FLNB: variants seen among roughly 807,000 people sequenced by gnomAD.
The protein encoded by FLNB is filamin-B.
In FLNB, 111 loss-of-function variants were observed where a neutral mutation model predicts 250.6. The observed-to-expected ratio is 0.44, with a 90% confidence interval of 0.38 to 0.52. The LOEUF (loss-of-function observed/expected upper bound fraction) is 0.52. FLNB is among the 20% of genes least tolerant of loss of function. The pLI, the probability that FLNB is intolerant of heterozygous loss-of-function variation, is 0.00. For synonymous variants in FLNB, 1,302 were observed against 1,372.1 expected (o/e 0.95, Z 1.13); for missense variants, 2,869 against 3,447.8 (o/e 0.83, Z 4.20).
chr3:58,146,889 C>T lies in FLNB; in HGVS notation c.5624C>T (p.Thr1875Ile). 1 of 1,614,178 alleles carries T rather than the reference C, an allele frequency of 6.2e-7. No homozygotes were observed. Among genetic ancestry groups the T allele is most frequent in the Non-Finnish European group, 8.5e-7 (1 of 1,180,026 alleles). Residue 1875 changes from threonine to isoleucine, a missense_variant, in exon 34 of 46, where the codon ACA becomes ATA. Thr to Ile is a moderately conservative substitution (Grantham distance 89). Around this residue, in one of 5 missense-constraint regions of FLNB, gnomAD observed 1,084 missense variants for 1,315.5 expected, o/e 0.82. Transcript: ENST00000295956. ...EISCIDNKDGTCTVTYLPTLP... is the reference protein window; with the variant it reads ...EISCIDNKDGICTVTYLPTLP... ...AGCTGCATTGACAATAAAGATGGGACATGCACAGTGACCTACCTGCCGACT... is the reference window on the plus strand; with the variant it reads ...AGCTGCATTGACAATAAAGATGGGATATGCACAGTGACCTACCTGCCGACT...
In FLNB at chr3:58,008,873, G is replaced by A; in HGVS notation, c.292+17G>A. On this transcript the variant is annotated intron_variant, in intron 1 of 45. Coordinates refer to ENST00000295956, the MANE Select transcript of FLNB (RefSeq NM_001457.4). ...TGTCCATCGGTGAGTTCTCTGGCCG[G>A]GCCCAGGCGCCCACTGTGGTGCCGA... 1 of 1,613,278 alleles carries A rather than the reference G, an allele frequency of 6.2e-7. No homozygotes were observed. The highest frequency in any genetic ancestry group is 8.5e-7 in the Non-Finnish European group (1 of 1,179,870).
chr3:58,171,821 G>C lies in FLNB; in HGVS notation c.*1059G>C, dbSNP rs985449710. ...TTGGCCTGAAAGTTGGGAATGGTTG[G>C]GGGAGAGAAGGGCAGCAGCTTATTG... On this transcript the variant is annotated 3_prime_UTR_variant, in exon 46 of 46. Transcript: ENST00000295956. The surrounding 1 kb of genome is among the most constrained non-coding windows in gnomAD (Gnocchi z 5.5). The C allele has an allele frequency of 6.6e-6, 1 of 152,526 alleles. No homozygotes were observed. Among genetic ancestry groups the C allele is most frequent in the Non-Finnish European group, 1.5e-5 (1 of 68,306 alleles). The allele number at this position is 152,526 out of a possible 1,614,324, so 9.4% of individuals were successfully genotyped here. A position where few individuals can be genotyped will look rare whatever the true frequency, so the allele number is the denominator to read the frequency against.
intron 19 of FLNB, among the ~76,000 whole-genome samples, chr3:58,119,252 A>C (rs971187570): frequency 1.3e-5 from 2 of 151,976 alleles, no homozygotes; most frequent in African/African-American, 4.8e-5. Flanking sequence ...ACCCATGGGA[A>C]TATTTTGAAA....
intron 1 of FLNB, among the ~76,000 whole-genome samples, chr3:58,046,622 G>A (rs1361753963): frequency 6.6e-6 from 1 of 151,994 alleles, no homozygotes; most frequent in Non-Finnish European, 1.5e-5. Context: ...ACTAATTTTT[G>A]TATTTTTAGT....
intron 7 of FLNB, 103 bp downstream of exon 7, chr3:58,098,080 A>C: frequency 8.0e-7 from 1 of 1,248,784 alleles, no homozygotes; most frequent in Non-Finnish European, 1.2e-6. Flanking sequence ...CTTTTAAATC[A>C]AATAAATAAT....
chr3:58,032,175 T>C (rs978698012), intron 1 of FLNB, among the ~76,000 whole-genome samples: 6 of 152,182 alleles, frequency 3.9e-5, no homozygotes, highest in Non-Finnish European at 7.4e-5. Context: ...GCTCAAGCAA[T>C]CCTCTCTTCA....
chr3:58,082,811 G>A (rs2097211140), intron 4 of FLNB, among the ~76,000 whole-genome samples: 1 of 151,868 alleles, frequency 6.6e-6, no homozygotes, highest in African/African-American at 2.4e-5. Context: ...TTATCCCAGT[G>A]GGATAATAGT....
In FLNB at chr3:58,141,909, C is replaced by G. The variant is rs1452233667; in HGVS notation, c.5161C>G (p.Pro1721Ala). 2 of 1,614,036 alleles carry G rather than the reference C, an allele frequency of 1.2e-6. No individual in the cohort carries two copies. Among genetic ancestry groups the G allele is most frequent in the Non-Finnish European group, 8.5e-7 (1 of 1,179,914 alleles). ...GGAGGAGGCACCGGTAAATGCATGT[C>G]CCCCTGGATTCAGGCCCTGGGTACA... is the stretch of plus-strand genomic sequence containing the variant. ...AVEEAPVNAC[P>A]PGFRPWVTEE... The change falls in exon 30 of 46, where the codon CCC becomes GCC. Residue 1721 changes from proline to alanine, a missense_variant. Physicochemically the swap from Pro to Ala is conservative, Grantham distance 27. Around this residue, in one of 5 missense-constraint regions of FLNB, gnomAD observed 1,084 missense variants for 1,315.5 expected, o/e 0.82. Coordinates refer to ENST00000295956, the MANE Select transcript of FLNB (RefSeq NM_001457.4).
At chr3:58,070,339 C>T (rs6770198) in intron 1 of FLNB, among the ~76,000 whole-genome samples, 37,577 of 152,018 alleles carry the variant, frequency 0.25, 5,800 homozygotes, top group Middle Eastern at 0.41. Context: ...CCACTGTGCC[C>T]GGCCGACACT....
chr3:58,114,179 C>G (rs1246689094), intron 18 of FLNB, among the ~76,000 whole-genome samples: 1 of 152,134 alleles, frequency 6.6e-6, no homozygotes, highest in Non-Finnish European at 1.5e-5. Flanking sequence ...TGTCTCGGCT[C>G]ACTGCAACCT....
In FLNB at chr3:58,008,478, G is replaced by A; in HGVS notation, c.-87G>A. On this transcript the variant is annotated 5_prime_UTR_variant, in exon 1 of 46. Transcript: ENST00000295956. ...CAAGTTCGAACCCCGCTCCCGCTCC[G>A]CTTCGGTTCTCGCTCCTTCGGCCCT... is the stretch of plus-strand genomic sequence containing the variant. 1.4e-6 allele frequency: 2 copies of A among 1,469,782 alleles called. No homozygotes were observed. Among genetic ancestry groups the A allele is most frequent in the South Asian group, 2.4e-5 (2 of 82,286 alleles). 91.0% of individuals were successfully genotyped at this position (1,469,782 alleles called of 1,614,324 possible).
intron 6 of FLNB, among the ~76,000 whole-genome samples, chr3:58,097,004 T>C (rs1386598430): frequency 6.6e-6 from 1 of 151,038 alleles, no homozygotes; most frequent in African/African-American, 2.4e-5. Context: ...CTGTTTGAGA[T>C]GACATCCAGG....
chr3:58,094,963 G>A lies in FLNB; in HGVS notation c.906+9G>A, dbSNP rs1357552532. ...AAGGGAACAAAGAGGAGGTATGTTG[G>A]AGGATGCTGCCTCTCCTTTCCAGCA... is the stretch of plus-strand genomic sequence containing the variant. On this transcript the variant is annotated intron_variant, in intron 5 of 45. Transcript: ENST00000295956. The A allele has an allele frequency of 6.3e-7, 1 of 1,599,092 alleles. No homozygotes were observed. Among genetic ancestry groups the A allele is most frequent in the Non-Finnish European group, 8.6e-7 (1 of 1,166,300 alleles).
intron 18 of FLNB, among the ~76,000 whole-genome samples, chr3:58,114,849 C>A (rs1052259297): frequency 2.0e-5 from 3 of 151,908 alleles, no homozygotes; most frequent in Non-Finnish European, 4.4e-5. Context: ...TGGTCCTTTG[C>A]ATATTTTCTT....
intron 1 of FLNB, among the ~76,000 whole-genome samples, chr3:58,060,390 G>C (rs2097176404): frequency 7.2e-6 from 1 of 138,232 alleles, no homozygotes; most frequent in Non-Finnish European, 1.5e-5. Flanking sequence ...GTCTCGCTCT[G>C]TTGCCCAGAC....
rs981638257 is a variant in FLNB, at chr3:58,142,815, G to T, written c.5284+63G>T. ...GCTCTCACGAGCTTCCCAGAATGGT[G>T]CTGGGGAGGTGTGTCCACTGTCCCC... On this transcript the variant is annotated intron_variant, in intron 31 of 45. Transcript: ENST00000295956. This position sits in a 1 kb window ranked among gnomAD's most constrained non-coding sequence, Gnocchi z 4.3. 1.4e-6 allele frequency: 2 copies of T among 1,420,962 alleles called. No homozygotes were observed. Among genetic ancestry groups the T allele is most frequent in the Non-Finnish European group, 9.9e-7 (1 of 1,007,552 alleles). 88.0% of individuals were successfully genotyped at this position (1,420,962 alleles called of 1,614,324 possible).
At chr3:58,154,737 G>A (rs1208098015) in intron 39 of FLNB, 54 bp from the exon 40 acceptor site, 35 of 1,601,020 alleles carry the variant, frequency 2.2e-5, no homozygotes, top group Non-Finnish European at 2.9e-5. Flanking sequence ...GGATGGAAGA[G>A]GGACAGGGGC....
intron 9 of FLNB, among the ~76,000 whole-genome samples, chr3:58,103,328 A>G (rs75294566): frequency 0.013 from 1,936 of 150,170 alleles, 42 homozygotes; most frequent in East Asian, 0.054. Context: ...ATGTGTGCGT[A>G]CGTGTGTGTT....
At chr3:58,073,961 G>C (rs756289458) in intron 1 of FLNB, among the ~76,000 whole-genome samples, 1 of 152,208 alleles carries the variant, frequency 6.6e-6, no homozygotes, top group Non-Finnish European at 1.5e-5. Flanking sequence ...GCCAGCAAGA[G>C]AATCTGTCTC....
Sources: gnomAD v4.1 joint callset for allele counts (sites outside exome capture counted in the v4.1 genomes callset) on GRCh38, gnomAD v4.1.1 for gene constraint, gnomAD v4.1.1 regional missense constraint, Gnocchi (gnomAD v3.1) non-coding constraint, MANE v1.5 for transcripts, NCBI Gene and HGNC (gene_info 2026-07-23, HGNC 2026-07-21) for gene names.